SLX4IP: variants seen among roughly 807,000 people sequenced by gnomAD.
SLX4IP encodes SLX4 interacting protein.
SLX4IP carries 34 observed loss-of-function variants against 32.9 expected under a neutral mutation model. The ratio of observed to expected loss-of-function variants is 1.03; its 90% confidence interval spans 0.79 to 1.38. SLX4IP has a LOEUF of 1.38. Ranked by LOEUF, SLX4IP falls within the 40% of genes most tolerant of loss-of-function variation. SLX4IP has a pLI of 0.00. For missense variants in SLX4IP, 444 were observed against 479.0 expected, an observed-to-expected ratio of 0.93 and a Z score of 0.68; for synonymous variants, 172 against 171.7, an observed-to-expected ratio of 1.00 and a Z score of -0.01.
intron 2 of SLX4IP, among the ~76,000 whole-genome samples, chr20:10,529,706 A>G (rs1462347254): frequency 2.0e-5 from 3 of 151,966 alleles, no homozygotes; most frequent in African/African-American, 4.8e-5. Context: ...GAACACCAAA[A>G]TCATTGAAGG....
chr20:10,480,792 A>C (rs961946317), intron 2 of SLX4IP, among the ~76,000 whole-genome samples: 1 of 152,184 alleles, frequency 6.6e-6, no homozygotes, highest in East Asian at 1.9e-4. Context: ...TCATTTCCGG[A>C]ATTGTTTCAT....
chr20:10,601,627 A>G, intron 5 of SLX4IP, 104 bp from the exon 6 acceptor site: 1 of 836,802 alleles, frequency 1.2e-6, no homozygotes, highest in Admixed American at 2.0e-5. Flanking sequence ...TTTTATATGG[A>G]TGTGCATATT....
intron 2 of SLX4IP, among the ~76,000 whole-genome samples, chr20:10,458,617 G>T (rs540724605): frequency 1.3e-5 from 2 of 152,034 alleles, no homozygotes; most frequent in East Asian, 3.9e-4. Flanking sequence ...GCAGTATTTG[G>T]TTTTCTGTTC....
At chr20:10,492,974 T>C (rs1463369485) in intron 2 of SLX4IP, among the ~76,000 whole-genome samples, 1 of 137,882 alleles carries the variant, frequency 7.3e-6, no homozygotes, top group Non-Finnish European at 1.6e-5. Context: ...TTATCACAAG[T>C]CTTTTTTTTT....
intron 2 of SLX4IP, among the ~76,000 whole-genome samples, chr20:10,477,267 C>A (rs2065483342): frequency 6.6e-6 from 1 of 152,148 alleles, no homozygotes; most frequent in Admixed American, 6.5e-5. Context: ...CTGCCTCAGC[C>A]TCCTGAGTAG....
At chr20:10,452,338 G>A (rs539243345) in intron 1 of SLX4IP, among the ~76,000 whole-genome samples, 1 of 152,004 alleles carries the variant, frequency 6.6e-6, no homozygotes, top group African/African-American at 2.4e-5. Flanking sequence ...GAAGACCAGC[G>A]TGGGCAAGAT....
chr20:10,567,964 A>G (rs961597484), intron 4 of SLX4IP, among the ~76,000 whole-genome samples: 14 of 152,254 alleles, frequency 9.2e-5, no homozygotes, highest in African/African-American at 3.1e-4. Flanking sequence ...GAGTGAAGCT[A>G]TTGCCTTTTC....
intron 2 of SLX4IP, among the ~76,000 whole-genome samples, chr20:10,509,540 C>G (rs1315712445): frequency 6.6e-6 from 1 of 152,140 alleles, no homozygotes; most frequent in Non-Finnish European, 1.5e-5. Flanking sequence ...AGGATATCGC[C>G]TTGATACAGA....
intron 2 of SLX4IP, among the ~76,000 whole-genome samples, chr20:10,542,093 G>A (rs2066113616): frequency 6.6e-6 from 1 of 152,210 alleles, no homozygotes; most frequent in Non-Finnish European, 1.5e-5. Flanking sequence ...TCAGTCCAAT[G>A]CAACAAGCCA....
intron 6 of SLX4IP, among the ~76,000 whole-genome samples, chr20:10,608,693 A>G (rs1471185534): frequency 6.7e-6 from 1 of 150,032 alleles, no homozygotes; most frequent in African/African-American, 2.4e-5. Context: ...AAAAAAAAAA[A>G]GGTCATAGAA....
chr20:10,618,088 C>T (rs1223246580), intron 6 of SLX4IP, among the ~76,000 whole-genome samples: 1 of 152,220 alleles, frequency 6.6e-6, no homozygotes, highest in Non-Finnish European at 1.5e-5. Context: ...TCAGCCCATA[C>T]AGGAATAGGG....
chr20:10,565,522 C>G lies in SLX4IP; in HGVS notation c.238+4702C>G, dbSNP rs1480847723. On this transcript the variant is annotated intron_variant, in intron 4 of 7. Transcript: ENST00000334534. ...TGGCCACAGCCTTGTGCTGTTTTTT[C>G]CCTTTTGAGTCCACCACAAGGCAAA... Among the ~76,000 whole-genome samples, 3 of 152,236 alleles carry G rather than the reference C, an allele frequency of 2.0e-5. No homozygotes were observed. In the South Asian group the frequency reaches 6.2e-4, roughly 32 times the overall value.
chr20:10,603,366 G>A (rs1359553646), intron 6 of SLX4IP, among the ~76,000 whole-genome samples: 2 of 152,062 alleles, frequency 1.3e-5, no homozygotes, highest in Non-Finnish European at 2.9e-5. Flanking sequence ...TTTCTATACC[G>A]GCTGTCATAT....
Position 10,473,737 on chromosome 20 carries a change from G to A in SLX4IP, c.27+15506G>A, listed in dbSNP as rs1455548228. On this transcript the variant is annotated intron_variant, in intron 2 of 7. Transcript: ENST00000334534. ...CCTGCCTCAGCCTCCCAAGTAGCTG[G>A]GATTACAGGCGCCTGCCACCACGCC... 4.6e-5 allele frequency among the ~76,000 whole-genome samples: 7 copies of A among 152,066 alleles called. No homozygotes were observed. In the East Asian group the frequency reaches 1.2e-3, roughly 25 times the overall value.
At chr20:10,601,850 A>G (rs2066845993) in intron 6 of SLX4IP, 31 bp downstream of exon 6, 1 of 1,573,346 alleles carries the variant, frequency 6.4e-7, no homozygotes, top group South Asian at 1.1e-5. Context: ...TAAACAAATA[A>G]GTCTGCTTAA....
At chr20:10,524,634 T>C (rs1306621637) in intron 2 of SLX4IP, among the ~76,000 whole-genome samples, 1 of 152,232 alleles carries the variant, frequency 6.6e-6, no homozygotes, top group Non-Finnish European at 1.5e-5. Flanking sequence ...ATTTGACCTG[T>C]GGGGATACAG....
At chr20:10,485,733 T>G (rs1325120316) in intron 2 of SLX4IP, among the ~76,000 whole-genome samples, 1 of 152,168 alleles carries the variant, frequency 6.6e-6, no homozygotes, top group Non-Finnish European at 1.5e-5. Flanking sequence ...ACACATATTT[T>G]TATGTTATAT....
intron 2 of SLX4IP, among the ~76,000 whole-genome samples, chr20:10,462,591 A>G (rs902706632): frequency 1.3e-5 from 2 of 152,214 alleles, no homozygotes; most frequent in African/African-American, 2.4e-5. Flanking sequence ...GAATAGAGAC[A>G]TTTATTTTTA....
Position 10,523,238 on chromosome 20 carries a change from ACAGT to A in SLX4IP, c.28-32989_28-32986del, listed in dbSNP as rs1295613904. On this transcript the variant is annotated intron_variant, in intron 2 of 7. Transcript: ENST00000334534. ...GGATGCTATACCACGAGATACTGTG[ACAGT>A]CAGAGAGACAGGCTTATAGCTTTCT... 2.6e-5 allele frequency among the ~76,000 whole-genome samples: 4 copies of A among 152,166 alleles called. No individual in the cohort carries two copies. The East Asian group carries it at 7.7e-4, about 29-fold the overall frequency.
Sources: allele counts gnomAD v4.1 joint callset (sites outside exome capture counted in the v4.1 genomes callset), GRCh38; gene constraint gnomAD v4.1.1; transcripts MANE v1.5; gene names NCBI Gene and HGNC (gene_info 2026-07-23, HGNC 2026-07-21).